MRPS28: variants seen among roughly 807,000 people sequenced by gnomAD.
MRPS28 encodes small ribosomal subunit protein bS1m.
A neutral mutation model predicts 10.8 loss-of-function variants in MRPS28; 7 were observed. The observed-to-expected ratio is 0.65, with a 90% CI of 0.37 to 1.22. The LOEUF (loss-of-function observed/expected upper bound fraction) is 1.22. Among genes scored for constraint, MRPS28 ranks in the 50% most tolerant of loss-of-function variants. The pLI is 0.02. For missense variants in MRPS28, 265 were observed against 232.9 expected (o/e 1.14, Z -0.90); for synonymous variants, 121 against 93.3 (o/e 1.30, Z -1.71).
intron 1 of MRPS28, among the ~76,000 whole-genome samples, chr8:80,011,980 T>C (rs774794015): frequency 5.3e-5 from 8 of 152,190 alleles, no homozygotes; most frequent in Non-Finnish European, 1.0e-4. Flanking sequence ...TAGAAAATTA[T>C]TGAGTGCTCT....
intron 2 of MRPS28, among the ~76,000 whole-genome samples, chr8:79,984,720 GCTAA>G (rs1390401490): frequency 6.6e-6 from 1 of 152,124 alleles, no homozygotes; most frequent in East Asian, 1.9e-4. Context: ...AACAAGAAGA[GCTAA>G]CTATCCTAAA....
At chr8:79,954,489 A>G (rs1032206165) in intron 2 of MRPS28, among the ~76,000 whole-genome samples, 1 of 152,156 alleles carries the variant, frequency 6.6e-6, no homozygotes, top group African/African-American at 2.4e-5. Context: ...TGTCTGAGAA[A>G]GATACCCTGG....
chr8:80,029,862 C>T, intron 1 of MRPS28, 174 bp downstream of exon 1: 1 of 1,535,652 alleles, frequency 6.5e-7, no homozygotes, highest in Non-Finnish European at 8.7e-7. Context: ...AAGAAAAACA[C>T]CAAGCACAGA....
At chr8:79,922,169 G>A (rs780917227) in intron 2 of MRPS28, among the ~76,000 whole-genome samples, 2 of 152,138 alleles carry the variant, frequency 1.3e-5, no homozygotes, top group African/African-American at 4.8e-5. Flanking sequence ...CTCAGTATTT[G>A]GGATTGGTTG....
At chr8:79,939,989 AAAG>A (rs1165613941) in intron 2 of MRPS28, among the ~76,000 whole-genome samples, 5 of 151,364 alleles carry the variant, frequency 3.3e-5, no homozygotes, top group African/African-American at 1.2e-4. Flanking sequence ...AAAAAAAAAA[AAAG>A]AAATATATAT....
intron 1 of MRPS28, among the ~76,000 whole-genome samples, chr8:80,004,599 G>T (rs1325490077): frequency 6.6e-6 from 1 of 152,220 alleles, no homozygotes; most frequent in African/African-American, 2.4e-5. Flanking sequence ...CCAAAGGAAT[G>T]CAGCTCCTTG....
chr8:80,020,721 C>T (rs971763549), intron 1 of MRPS28, among the ~76,000 whole-genome samples: 13 of 152,064 alleles, frequency 8.5e-5, no homozygotes, highest in African/African-American at 3.1e-4. Context: ...AGAAAGCAAG[C>T]AAGAAATACT....
chr8:79,944,543 CT>C (rs1293854556), intron 2 of MRPS28, among the ~76,000 whole-genome samples: 1 of 152,104 alleles, frequency 6.6e-6, no homozygotes, highest in Non-Finnish European at 1.5e-5. Flanking sequence ...TAGCCCTTAT[CT>C]TTTTCAAATT....
chr8:80,018,295 C>CAAAAAA (rs55883340), intron 1 of MRPS28, among the ~76,000 whole-genome samples: 2 of 53,060 alleles, frequency 3.8e-5, no homozygotes, highest in African/African-American at 8.1e-5. Flanking sequence ...TACTCTGTCT[C>CAAAAAA]AAAAAAAAAA....
chr8:79,975,010 C>A, intron 2 of MRPS28, among the ~76,000 whole-genome samples: 1 of 152,080 alleles, frequency 6.6e-6, no homozygotes, highest in Non-Finnish European at 1.5e-5. Flanking sequence ...TAAGGCTAGG[C>A]ACAGTAGCTC....
intron 2 of MRPS28, among the ~76,000 whole-genome samples, chr8:79,997,042 T>C (rs1253565174): frequency 6.6e-6 from 1 of 152,096 alleles, no homozygotes; most frequent in East Asian, 1.9e-4. Context: ...TATAAGACAA[T>C]ATACATAAAA....
chr8:79,957,614 A>G (rs561730738), intron 2 of MRPS28, among the ~76,000 whole-genome samples: 1 of 152,026 alleles, frequency 6.6e-6, no homozygotes, highest in Non-Finnish European at 1.5e-5. Flanking sequence ...GAAACTCTGA[A>G]GGCTGAGGGC....
At position 80,030,229 on chromosome 8, in the gene MRPS28, G is replaced by C. The variant is rs766084767; in HGVS notation, c.20C>G (p.Thr7Ser). 1 of 1,614,108 alleles carries C rather than the reference G, an allele frequency of 6.2e-7. No homozygotes were observed. Among genetic ancestry groups the C allele is most frequent in the Non-Finnish European group, 8.5e-7 (1 of 1,180,048 alleles). ...ATGGCTCTCGGCAGCCACAGCACGG[G>C]TCCGACACAGCGCCGCCATGACTTC... The part of the protein sequence containing the change: MAALCR[T>S]RAVAAESHFL... The change falls in exon 1 of 3, where the codon ACC becomes AGC. Residue 7 changes from threonine (T) to serine (S), a missense_variant. Coordinates refer to ENST00000276585, the MANE Select transcript of MRPS28 (RefSeq NM_014018.3).
chr8:79,991,716 T>C (rs962073785), intron 2 of MRPS28, among the ~76,000 whole-genome samples: 1 of 152,228 alleles, frequency 6.6e-6, no homozygotes, highest in African/African-American at 2.4e-5. Flanking sequence ...AGTTAAGCTT[T>C]GTTCACACAC....
At chr8:80,029,416 C>A (rs947778402) in intron 1 of MRPS28, among the ~76,000 whole-genome samples, 14 of 152,078 alleles carry the variant, frequency 9.2e-5, no homozygotes, top group African/African-American at 3.4e-4. Context: ...AATTTTATTT[C>A]TTCCATTTCA....
chr8:80,008,103 C>G lies in MRPS28; in HGVS notation c.214-4923G>C, dbSNP rs1360425702. On this transcript the variant is annotated intron_variant, in intron 1 of 2. Coordinates refer to ENST00000276585, the MANE Select transcript of MRPS28 (RefSeq NM_014018.3). ...TACACCAATGGAACAGAATGGAGCC[C>G]TCAGAAATAAAGCCGTGTATCTACA... is the stretch of plus-strand genomic sequence containing the variant. Among the ~76,000 whole-genome samples the G allele has an allele frequency of 2.0e-5, 3 of 152,234 alleles. No individual in the cohort carries two copies. The East Asian group carries it at 5.8e-4, about 29-fold the overall frequency.
chr8:80,019,633 T>C (rs1186125083), intron 1 of MRPS28, among the ~76,000 whole-genome samples: 1 of 151,648 alleles, frequency 6.6e-6, no homozygotes, highest in Non-Finnish European at 1.5e-5. Flanking sequence ...TCCTAGCTAA[T>C]GCAATAAGAC....
At chr8:79,983,987 T>C (rs1272802376) in intron 2 of MRPS28, among the ~76,000 whole-genome samples, 1 of 151,798 alleles carries the variant, frequency 6.6e-6, no homozygotes, top group Non-Finnish European at 1.5e-5. Context: ...TTCACCAAAG[T>C]TGAAATGAAG....
intron 1 of MRPS28, among the ~76,000 whole-genome samples, chr8:80,019,312 G>T: frequency 7.2e-6 from 1 of 138,668 alleles, no homozygotes; most frequent in African/African-American, 2.7e-5. Flanking sequence ...TGCCCCCTAA[G>T]CATATACACC....
Sources: gnomAD v4.1 joint callset for allele counts (sites outside exome capture counted in the v4.1 genomes callset) on GRCh38, gnomAD v4.1.1 for gene constraint, MANE v1.5 for transcripts, NCBI Gene and HGNC (gene_info 2026-07-23, HGNC 2026-07-21) for gene names.